The following SASH1 variants were observed in gnomAD, a reference collection of about 807,000 sequenced individuals.
The protein encoded by SASH1 is SAM and SH3 domain-containing protein 1.
SASH1 carries 44 observed loss-of-function variants against 125.2 expected under a neutral mutation model. That is an observed-to-expected ratio of 0.35 (90% confidence interval 0.28 to 0.45). The LOEUF (loss-of-function observed/expected upper bound fraction) is 0.45. Among genes scored for constraint, SASH1 ranks in the 20% least tolerant of loss-of-function variants. SASH1 has a pLI of 1.00. For synonymous variants in SASH1, 639 were observed against 649.1 expected (o/e 0.98, Z 0.24); for missense variants, 1,426 against 1,614.5 (o/e 0.88, Z 2.00).
intron 8 of SASH1, chr6:148,508,717 A>T: frequency 1.7e-6 from 2 of 1,208,038 alleles, no homozygotes; most frequent in Non-Finnish European, 2.1e-6. Context: ...CTGCCTGATC[A>T]TGTAACTCCA....
At chr6:148,314,303 C>T (rs1187541701) in intron 1 of SASH1, among the ~76,000 whole-genome samples, 1 of 152,192 alleles carries the variant, frequency 6.6e-6, no homozygotes, top group Non-Finnish European at 1.5e-5. Context: ...CCACAAGGAG[C>T]TCATTCTAAT....
chr6:148,244,655 G>T, the SASH1 span, among the ~76,000 whole-genome samples: 1 of 152,116 alleles, frequency 6.6e-6, no homozygotes, highest in Non-Finnish European at 1.5e-5. Context: ...TGGAGAAGAA[G>T]CTCCTGCTGT....
intron 1 of SASH1, among the ~76,000 whole-genome samples, chr6:148,368,071 C>T (rs1782542848): frequency 6.6e-6 from 1 of 152,232 alleles, no homozygotes; most frequent in Non-Finnish European, 1.5e-5. Flanking sequence ...GTACTGTTAA[C>T]TAACCCTAAG....
At chr6:148,524,638 C>T (rs1051486359) in intron 10 of SASH1, 1 of 152,206 alleles carries the variant, frequency 6.6e-6, no homozygotes, top group African/African-American at 2.4e-5. Flanking sequence ...TCTTCATTCA[C>T]TGAGAGAAAA....
At chr6:148,453,513 G>C (rs949522958) in intron 4 of SASH1, among the ~76,000 whole-genome samples, 5 of 152,126 alleles carry the variant, frequency 3.3e-5, no homozygotes, top group African/African-American at 7.2e-5. Context: ...CAAGATCACA[G>C]ACCTTGGGTA....
intron 10 of SASH1, among the ~76,000 whole-genome samples, chr6:148,524,121 A>ATATATATATATATATATATTTTT (rs1193506716): frequency 3.1e-5 from 4 of 128,610 alleles, no homozygotes; most frequent in East Asian, 2.3e-4. Context: ...ATATATATAT[A>ATATATATATATATATATATTTTT]TTTTTTTTAA....
chr6:148,547,836 T>C (rs749981963), intron 19 of SASH1, among the ~76,000 whole-genome samples: 57 of 152,340 alleles, frequency 3.7e-4, no homozygotes, highest in Non-Finnish European at 7.5e-4. Context: ...TCATAACTTG[T>C]ATTGACTAAA....
chr6:148,307,711 T>C (rs1353749509), intron 1 of SASH1, among the ~76,000 whole-genome samples: 1 of 152,030 alleles, frequency 6.6e-6, no homozygotes, highest in Non-Finnish European at 1.5e-5. Context: ...CAGCTGCTTG[T>C]TGAATTAGGT....
intron 1 of SASH1, among the ~76,000 whole-genome samples, chr6:148,387,038 T>G: frequency 6.6e-6 from 1 of 151,914 alleles, no homozygotes; most frequent in East Asian, 1.9e-4. Flanking sequence ...TCTCTTTCTT[T>G]CTTGCTTTCT....
intron 10 of SASH1, among the ~76,000 whole-genome samples, chr6:148,521,708 T>C (rs1780823362): frequency 6.6e-6 from 1 of 152,276 alleles, no homozygotes; most frequent in South Asian, 2.1e-4. Flanking sequence ...ATTCAGCCTC[T>C]GGTTTGCTCT....
intron 4 of SASH1, among the ~76,000 whole-genome samples, chr6:148,453,867 A>G (rs1583186652): frequency 6.6e-6 from 1 of 152,168 alleles, no homozygotes; most frequent in Non-Finnish European, 1.5e-5. Context: ...GGCATCAGTC[A>G]GGGTTCTATT....
intron 2 of SASH1, among the ~76,000 whole-genome samples, chr6:148,434,599 T>C (rs1191223740): frequency 6.6e-6 from 1 of 152,236 alleles, no homozygotes; most frequent in Non-Finnish European, 1.5e-5. Context: ...TAAGAGTTTG[T>C]AATGTTAATG....
At chr6:148,279,788 G>C (rs1779285208) in intron 1 of SASH1, among the ~76,000 whole-genome samples, 1 of 151,612 alleles carries the variant, frequency 6.6e-6, no homozygotes, top group Non-Finnish European at 1.5e-5. Context: ...TGAGTTTGAG[G>C]CCAGCTTGGC....
At chr6:148,541,047 G>T (rs544316844) in intron 17 of SASH1, among the ~76,000 whole-genome samples, 5 of 152,104 alleles carry the variant, frequency 3.3e-5, no homozygotes, top group African/African-American at 1.2e-4. Flanking sequence ...TTCAGAAAAG[G>T]TACTTGTCTC....
At chr6:148,300,166 A>G (rs1053800167) in intron 1 of SASH1, among the ~76,000 whole-genome samples, 3 of 152,222 alleles carry the variant, frequency 2.0e-5, no homozygotes, top group African/African-American at 7.2e-5. Context: ...TAGTACCAAG[A>G]AATAAATTGA....
intron 4 of SASH1, among the ~76,000 whole-genome samples, chr6:148,463,224 A>C (rs558081721): frequency 6.6e-6 from 1 of 151,720 alleles, no homozygotes; most frequent in East Asian, 1.9e-4. Flanking sequence ...GGCTCACCGC[A>C]ACCTCCACCT....
At chr6:148,442,141 C>T (rs963382112) in intron 4 of SASH1, among the ~76,000 whole-genome samples, 2 of 152,132 alleles carry the variant, frequency 1.3e-5, no homozygotes, top group Admixed American at 6.6e-5. Context: ...AATTCCAGCA[C>T]TTTGGGAGGC....
chr6:148,510,113 T>C (rs1780032795), intron 8 of SASH1, among the ~76,000 whole-genome samples: 1 of 152,244 alleles, frequency 6.6e-6, no homozygotes, highest in Admixed American at 6.5e-5. Flanking sequence ...GATGTAATGT[T>C]GCTATGGAAA....
At position 148,527,435 on chromosome 6, in the gene SASH1, C is replaced by T; in HGVS notation, c.1285-18C>T. ...CATTTTCTGCGACCAACAATACTTG[C>T]AACATTTTGTTTTACAGGGTAAAGA... On this transcript the variant is annotated intron_variant, in intron 11 of 19. Coordinates refer to ENST00000367467, the MANE Select transcript of SASH1 (RefSeq NM_015278.5). The T allele has an allele frequency of 5.8e-6, 9 of 1,553,638 alleles. No individual in the cohort carries two copies. Among genetic ancestry groups the T allele is most frequent in the Non-Finnish European group, 6.1e-6 (7 of 1,155,956 alleles).
Sources: allele counts gnomAD v4.1 joint callset (sites outside exome capture counted in the v4.1 genomes callset), GRCh38; gene constraint gnomAD v4.1.1; transcripts MANE v1.5; gene names NCBI Gene and HGNC (gene_info 2026-07-23, HGNC 2026-07-21).